The following ASTN1 variants were observed in gnomAD, a reference collection of about 807,000 sequenced individuals.
ASTN1 encodes the protein astrotactin-1.
A neutral mutation model predicts 140.7 loss-of-function variants in ASTN1; 41 were observed. That is an observed-to-expected ratio of 0.29 (90% CI 0.23 to 0.38). ASTN1 has a LOEUF of 0.38. Ranked by LOEUF, ASTN1 falls within the 10% of genes least tolerant of loss-of-function variation. ASTN1 has a pLI of 1.00. For synonymous variants in ASTN1, 640 were observed against 652.2 expected (o/e 0.98, Z 0.29); for missense variants, 1,479 against 1,678.8 (o/e 0.88, Z 2.08).
intron 8 of ASTN1, among the ~76,000 whole-genome samples, chr1:177,004,522 A>C (rs1674901365): frequency 6.6e-6 from 1 of 152,232 alleles, no homozygotes; most frequent in African/African-American, 2.4e-5. Context: ...GAATAGCCAA[A>C]GCAATCCTAA....
chr1:177,103,487 C>G (rs968556505), intron 1 of ASTN1, among the ~76,000 whole-genome samples: 1 of 151,986 alleles, frequency 6.6e-6, no homozygotes. Flanking sequence ...GGGGAGAGCA[C>G]CCATGGAGAC....
At chr1:176,905,736 G>A (rs1024592268) in intron 16 of ASTN1, among the ~76,000 whole-genome samples, 13 of 152,052 alleles carry the variant, frequency 8.5e-5, no homozygotes, top group African/African-American at 3.1e-4. Flanking sequence ...TGTGCTGAGT[G>A]GATCAGGCTC....
chr1:177,130,312 T>C (rs1467098273), intron 1 of ASTN1, among the ~76,000 whole-genome samples: 1 of 152,058 alleles, frequency 6.6e-6, no homozygotes, highest in Non-Finnish European at 1.5e-5. Flanking sequence ...GGTTAGGATA[T>C]CCTCCCAGAG....
intron 16 of ASTN1, among the ~76,000 whole-genome samples, chr1:176,917,939 T>A (rs1435924290): frequency 2.0e-5 from 3 of 152,182 alleles, no homozygotes; most frequent in Non-Finnish European, 1.5e-5. Context: ...ACTAATAATT[T>A]TAAACTCCTG....
intron 1 of ASTN1, among the ~76,000 whole-genome samples, chr1:177,087,360 A>G (rs1679525840): frequency 6.6e-6 from 1 of 152,172 alleles, no homozygotes; most frequent in Admixed American, 6.5e-5. Context: ...AAATGTGGAA[A>G]TCGTCTTTCA....
chr1:177,073,183 G>A (rs1353729620), intron 1 of ASTN1, among the ~76,000 whole-genome samples: 1 of 152,168 alleles, frequency 6.6e-6, no homozygotes, highest in African/African-American at 2.4e-5. Context: ...GAGCTGGAAG[G>A]TAATTCTGTG....
rs75341681 is a variant in ASTN1, at chr1:176,962,983, G to A, written c.1598+2180C>T. Among the ~76,000 whole-genome samples the A allele has an allele frequency of 8.8e-3, 1,339 of 152,236 alleles. 23 individuals are homozygous for A. The highest frequency in any genetic ancestry group is 0.03 in the African/African-American group (1,243 of 41,522). ...AGTTTGGTGGAGACTTGATTTGGACGATAAAAACTGGTAGCATTTATATTA... is the reference window on the plus strand; with the variant it reads ...AGTTTGGTGGAGACTTGATTTGGACAATAAAAACTGGTAGCATTTATATTA... On this transcript the variant is annotated intron_variant, in intron 9 of 22. Coordinates refer to ENST00000361833, the MANE Select transcript of ASTN1 (RefSeq NM_004319.3).
chr1:176,858,515 G>A (rs577655915), downstream of ASTN1, among the ~76,000 whole-genome samples: 2 of 152,184 alleles, frequency 1.3e-5, no homozygotes, highest in East Asian at 3.8e-4. Context: ...GCAGAAAACA[G>A]AGACTGGCAC....
intron 1 of ASTN1, among the ~76,000 whole-genome samples, chr1:177,162,368 A>G (rs1053534366): frequency 2.6e-5 from 4 of 152,168 alleles, no homozygotes; most frequent in Non-Finnish European, 5.9e-5. Context: ...GAGATAATCG[A>G]TGCATTTAAA....
chr1:176,928,583 A>C (rs6688684), intron 16 of ASTN1, among the ~76,000 whole-genome samples: 7,086 of 152,152 alleles, frequency 0.047, 190 homozygotes, highest in African/African-American at 0.072. Flanking sequence ...GCTCTTGCAG[A>C]GTAGGAAGGA....
At chr1:176,886,796 A>G (rs1669049126) in intron 18 of ASTN1, among the ~76,000 whole-genome samples, 1 of 152,194 alleles carries the variant, frequency 6.6e-6, no homozygotes, top group African/African-American at 2.4e-5. Context: ...CTGCCTACTC[A>G]GCCTTTCACT....
chr1:177,123,416 T>C (rs556384360), intron 1 of ASTN1, among the ~76,000 whole-genome samples: 1 of 152,342 alleles, frequency 6.6e-6, no homozygotes, highest in East Asian at 1.9e-4. Flanking sequence ...CATTTTGTGG[T>C]TTATTGAGTT....
intron 1 of ASTN1, among the ~76,000 whole-genome samples, chr1:177,086,782 ATTC>A (rs1679491418): frequency 6.6e-6 from 1 of 152,188 alleles, no homozygotes; most frequent in African/African-American, 2.4e-5. Flanking sequence ...TGATTTAAAA[ATTC>A]TTCTCTATAT....
Position 177,158,655 on chromosome 1 carries a change from CGTGTGTGTGTGTGT to C in ASTN1, c.283+5725_283+5738del, listed in dbSNP as rs34610563. Among the ~76,000 whole-genome samples, 10 of 142,714 alleles carry C rather than the reference CGTGTGTGTGTGTGT, an allele frequency of 7.0e-5. No homozygotes were observed. In the East Asian group the frequency reaches 1.0e-3, roughly 15 times the overall value. The allele number at this position is 142,714 out of a possible 152,430, so 93.6% of individuals were successfully genotyped here. ...TTCTAAGAAAAGAAAGAAAAAAGTA[CGTGTGTGTGTGTGT>C]GTGTGTGTGTGTGTGTGTGTGTGTA... On this transcript the variant is annotated intron_variant, in intron 1 of 22. Transcript: ENST00000361833.
chr1:176,958,505 G>T, intron 9 of ASTN1, 23 bp from the exon 10 acceptor site: 1 of 1,596,728 alleles, frequency 6.3e-7, no homozygotes, highest in Non-Finnish European at 8.5e-7. Flanking sequence ...CCAGTGCCAG[G>T]TGGTCATGAC....
chr1:177,080,762 C>T (rs1014763475), intron 1 of ASTN1, among the ~76,000 whole-genome samples: 1 of 152,060 alleles, frequency 6.6e-6, no homozygotes. Context: ...AGAGAATGGG[C>T]TTTAGAATCA....
At chr1:176,981,211 CAAAAAAAAAAAAAAAAAA>C (rs35209486) in intron 8 of ASTN1, among the ~76,000 whole-genome samples, 7 of 24,058 alleles carry the variant, frequency 2.9e-4, no homozygotes, top group Admixed American at 2.4e-3. Flanking sequence ...GACTCTGTCT[CAAAAAAAAAAAAAAAAAA>C]AAAAAAAAAA....
chr1:176,938,681 G>A (rs771178669), intron 14 of ASTN1, among the ~76,000 whole-genome samples: 2 of 152,128 alleles, frequency 1.3e-5, no homozygotes, highest in Non-Finnish European at 2.9e-5. Context: ...TTTTCAGTTT[G>A]GATTCCTACC....
chr1:176,915,955 T>C lies in ASTN1; in HGVS notation c.2671+18197A>G, dbSNP rs541067404. Among the ~76,000 whole-genome samples, 6 of 152,308 alleles carry C rather than the reference T, an allele frequency of 3.9e-5. No homozygotes were observed. The East Asian group carries it at 9.6e-4, about 24-fold the overall frequency. On this transcript the variant is annotated intron_variant, in intron 16 of 22. Coordinates refer to ENST00000361833, the MANE Select transcript of ASTN1 (RefSeq NM_004319.3). ...ACTGCTAGCTACTGCAGGGAGGTAT[T>C]AGAATGTTTTACAAACCCGAAACTT...
Sources: allele counts gnomAD v4.1 joint callset (sites outside exome capture counted in the v4.1 genomes callset), GRCh38; gene constraint gnomAD v4.1.1; transcripts MANE v1.5; gene names NCBI Gene and HGNC (gene_info 2026-07-23, HGNC 2026-07-21).